DCDC1: variants seen among roughly 807,000 people sequenced by gnomAD.
DCDC1 encodes doublecortin domain containing 1.
Under a neutral mutation model 178.3 loss-of-function variants are expected in DCDC1, and 200 were observed. The ratio of observed to expected loss-of-function variants is 1.12; its 90% confidence interval spans 1.00 to 1.26. The LOEUF (loss-of-function observed/expected upper bound fraction) is 1.26. DCDC1 is among the 50% of genes most tolerant of loss of function. DCDC1 has a pLI of 0.00. For synonymous variants in DCDC1, 690 were observed against 604.8 expected, an observed-to-expected ratio of 1.14 and a Z score of -2.07; for missense variants, 1,983 against 1,749.2, an observed-to-expected ratio of 1.13 and a Z score of -2.38.
intron 15 of DCDC1, among the ~76,000 whole-genome samples, chr11:31,099,943 TC>T (rs1043549304): frequency 3.9e-5 from 6 of 152,090 alleles, no homozygotes; most frequent in African/African-American, 1.4e-4. Flanking sequence ...GGTCTCAATC[TC>T]CTGACCTCCT....
chr11:30,978,779 AACACACACACAC>A (rs56058117), intron 20 of DCDC1, among the ~76,000 whole-genome samples: 43 of 119,028 alleles, frequency 3.6e-4, no homozygotes, highest in African/African-American at 9.8e-4. Flanking sequence ...GTCCCCCCTC[AACACACACACAC>A]ACACACACAC....
chr11:31,313,668 C>A (rs1175681878), intron 3 of DCDC1, among the ~76,000 whole-genome samples: 1 of 152,144 alleles, frequency 6.6e-6, no homozygotes, highest in African/African-American at 2.4e-5. Context: ...TCTTTCCCAA[C>A]TGATACTAAA....
At chr11:31,103,209 C>T (rs1958620321) in intron 14 of DCDC1, among the ~76,000 whole-genome samples, 1 of 152,176 alleles carries the variant, frequency 6.6e-6, no homozygotes, top group Non-Finnish European at 1.5e-5. Context: ...CTTCCAACTC[C>T]TACTCTTCAC....
intron 11 of DCDC1, among the ~76,000 whole-genome samples, chr11:31,122,547 A>G (rs115585034): frequency 2.0e-3 from 307 of 152,242 alleles, no homozygotes; most frequent in African/African-American, 7.1e-3. Context: ...ATAATAATAA[A>G]ATATCTAATA....
intron 20 of DCDC1, among the ~76,000 whole-genome samples, chr11:31,048,148 G>T (rs1003631235): frequency 1.3e-5 from 2 of 152,096 alleles, no homozygotes; most frequent in African/African-American, 4.8e-5. Flanking sequence ...GCTAGGACTG[G>T]AAGCCACACT....
At chr11:30,922,283 T>A (rs935840900) in intron 24 of DCDC1, among the ~76,000 whole-genome samples, 1 of 152,202 alleles carries the variant, frequency 6.6e-6, no homozygotes, top group Non-Finnish European at 1.5e-5. Flanking sequence ...GATCTGTTAA[T>A]GACAAAATAA....
intron 3 of DCDC1, among the ~76,000 whole-genome samples, chr11:31,325,228 A>G (rs1208541826): frequency 6.6e-6 from 1 of 152,136 alleles, no homozygotes; most frequent in African/African-American, 2.4e-5. Context: ...AATATGGTGA[A>G]ACTATGCCTG....
At chr11:30,911,669 G>T (rs1010495865) in intron 27 of DCDC1, among the ~76,000 whole-genome samples, 1 of 152,166 alleles carries the variant, frequency 6.6e-6, no homozygotes, top group Non-Finnish European at 1.5e-5. Context: ...CAGCAGTTGG[G>T]AGTGAGAACA....
intron 7 of DCDC1, among the ~76,000 whole-genome samples, chr11:31,270,103 C>G (rs780221583): frequency 6.6e-6 from 1 of 152,166 alleles, no homozygotes; most frequent in Non-Finnish European, 1.5e-5. Context: ...ACACTCTCCT[C>G]AAAAGATTCT....
intron 6 of DCDC1, among the ~76,000 whole-genome samples, chr11:31,300,819 T>A (rs1269999767): frequency 2.0e-5 from 3 of 152,156 alleles, no homozygotes; most frequent in Non-Finnish European, 4.4e-5. Flanking sequence ...CAGGACAGTA[T>A]AGGTTTGCAA....
At chr11:30,903,778 A>G in intron 31 of DCDC1, 95 bp from the exon 32 acceptor site, 1 of 1,089,750 alleles carries the variant, frequency 9.2e-7, no homozygotes, top group Non-Finnish European at 1.2e-6. Context: ...TGAAAAAAAA[A>G]ATAATTGAAT....
intron 17 of DCDC1, among the ~76,000 whole-genome samples, chr11:31,082,434 C>T (rs1323415927): frequency 6.6e-6 from 1 of 152,002 alleles, no homozygotes; most frequent in Non-Finnish European, 1.5e-5. Flanking sequence ...TCTCATTTTA[C>T]AAGTGAGGGA....
intron 9 of DCDC1, among the ~76,000 whole-genome samples, chr11:31,181,414 T>C (rs1968780045): frequency 6.6e-6 from 1 of 152,204 alleles, no homozygotes; most frequent in Non-Finnish European, 1.5e-5. Flanking sequence ...CCATGCCTCC[T>C]GACTGGGAGA....
intron 6 of DCDC1, among the ~76,000 whole-genome samples, chr11:31,297,198 G>A (rs906474528): frequency 2.6e-5 from 4 of 152,088 alleles, no homozygotes; most frequent in African/African-American, 7.2e-5. Flanking sequence ...CAGCCCTGGC[G>A]AGGAAGAGGC....
chr11:31,079,194 A>G (rs895045888), intron 17 of DCDC1, among the ~76,000 whole-genome samples: 1 of 152,178 alleles, frequency 6.6e-6, no homozygotes, highest in Non-Finnish European at 1.5e-5. Flanking sequence ...GAGGAGCTGG[A>G]GAATGAGTTA....
At chr11:31,204,936 T>C (rs1219020038) in intron 9 of DCDC1, among the ~76,000 whole-genome samples, 2 of 152,160 alleles carry the variant, frequency 1.3e-5, no homozygotes, top group African/African-American at 2.4e-5. Context: ...ACCCTTCAAA[T>C]TCAGTCATGC....
intron 9 of DCDC1, among the ~76,000 whole-genome samples, chr11:31,165,271 C>A (rs1966670240): frequency 6.6e-6 from 1 of 151,770 alleles, no homozygotes; most frequent in African/African-American, 2.4e-5. Flanking sequence ...TTTCTTTGAG[C>A]TATATTTTGC....
chr11:31,189,881 T>C (rs990818091), intron 9 of DCDC1, among the ~76,000 whole-genome samples: 1 of 152,194 alleles, frequency 6.6e-6, no homozygotes, highest in Non-Finnish European at 1.5e-5. Context: ...ATCACTAACA[T>C]ATTCACAGGT....
intron 20 of DCDC1, among the ~76,000 whole-genome samples, chr11:31,033,698 C>T (rs971748996): frequency 1.7e-4 from 26 of 152,052 alleles, no homozygotes; most frequent in Admixed American, 3.3e-4. Context: ...TAGTTAATAA[C>T]AGACCACAGA....
Sources: allele counts gnomAD v4.1 joint callset (sites outside exome capture counted in the v4.1 genomes callset), GRCh38; gene constraint gnomAD v4.1.1; transcripts MANE v1.5; gene names NCBI Gene and HGNC (gene_info 2026-07-23, HGNC 2026-07-21).